SLC14A2: variants seen among roughly 807,000 people sequenced by gnomAD.
The protein encoded by SLC14A2 is solute carrier family 14 member 2.
A neutral mutation model predicts 104.6 loss-of-function variants in SLC14A2; 91 were observed. The ratio of observed to expected loss-of-function variants is 0.87; its 90% CI spans 0.73 to 1.04. SLC14A2 has a LOEUF of 1.04. Ranked by LOEUF, SLC14A2 falls within the 50% of genes least tolerant of loss-of-function variation. SLC14A2 has a pLI of 0.00. For missense variants in SLC14A2, 1,189 were observed against 1,156.0 expected (o/e 1.03, Z -0.41); for synonymous variants, 476 against 466.4 (o/e 1.02, Z -0.27).
chr18:45,396,593 G>C (rs2086033635), intron 1 of SLC14A2, among the ~76,000 whole-genome samples: 1 of 149,850 alleles, frequency 6.7e-6, no homozygotes, highest in Admixed American at 6.6e-5. Flanking sequence ...TGAAAGTAAT[G>C]AATACAGCTT....
chr18:45,614,816 T>TG, upstream of SLC14A2: 1 of 143,098 alleles, frequency 7.0e-6, no homozygotes, highest in African/African-American at 2.9e-5. Flanking sequence ...TTTTTTTTTT[T>TG]GAGACACAGT....
the SLC14A2 span, among the ~76,000 whole-genome samples, chr18:45,195,827 G>A: frequency 2.6e-5 from 4 of 152,184 alleles, no homozygotes; most frequent in Admixed American, 6.5e-5. Context: ...AGGATGAGAT[G>A]GGATAGGATA....
upstream of SLC14A2, among the ~76,000 whole-genome samples, chr18:45,211,926 A>G (rs2083964975): frequency 6.6e-6 from 1 of 152,238 alleles, no homozygotes; most frequent in South Asian, 2.1e-4. Context: ...TTGTTACCTT[A>G]ATGCTAATGT....
chr18:45,263,322 A>T (rs566811570), intron 1 of SLC14A2, among the ~76,000 whole-genome samples: 1 of 152,324 alleles, frequency 6.6e-6, no homozygotes, highest in African/African-American at 2.4e-5. Flanking sequence ...TGTTCTTCTC[A>T]GCGTATAAGA....
intron 2 of SLC14A2, among the ~76,000 whole-genome samples, chr18:45,544,624 T>G (rs928679724): frequency 2.4e-4 from 36 of 152,196 alleles, no homozygotes; most frequent in Admixed American, 2.2e-3. Flanking sequence ...TACCCAGGAA[T>G]AACCATCTTC....
At chr18:45,491,184 T>A (rs140773572) in intron 2 of SLC14A2, among the ~76,000 whole-genome samples, 154 of 152,326 alleles carry the variant, frequency 1.0e-3, no homozygotes, top group African/African-American at 3.6e-3. Flanking sequence ...ATTTACAATA[T>A]TGAAAATTGG....
the SLC14A2 span, among the ~76,000 whole-genome samples, chr18:45,195,747 G>A: frequency 6.6e-6 from 1 of 152,106 alleles, no homozygotes; most frequent in Non-Finnish European, 1.5e-5. Context: ...TCAGAGTCGT[G>A]AATTCAAAGT....
At chr18:45,411,836 A>G (rs1353617632) in intron 1 of SLC14A2, among the ~76,000 whole-genome samples, 1 of 152,070 alleles carries the variant, frequency 6.6e-6, no homozygotes, top group Non-Finnish European at 1.5e-5. Flanking sequence ...GGTCCGCAGC[A>G]CCTACTCTGT....
Position 45,663,785 on chromosome 18 carries a change from G to T in SLC14A2, c.1352G>T (p.Gly451Val). The T allele has an allele frequency of 6.2e-7, 1 of 1,612,194 alleles. No homozygotes were observed. The highest frequency in any genetic ancestry group is 8.5e-7 in the Non-Finnish European group (1 of 1,179,692). Reference protein sequence around the residue: ...KSGEEEKAPSGGGGEHPPTAG... With the variant: ...KSGEEEKAPSVGGGEHPPTAG... ...CCTGTCTTGTTTTGCCCCTGGCTAGGAGGCGGTGGGGAGCATCCACCCACA... is the reference window on the plus strand; with the variant it reads ...CCTGTCTTGTTTTGCCCCTGGCTAGTAGGCGGTGGGGAGCATCCACCCACA... The change falls in exon 11 of 20, where the codon GGA (glycine) becomes GTA (valine). Residue 451 changes from glycine (G) to valine (V), a missense_variant and splice_region_variant. Gly to Val is a moderately radical substitution (Grantham distance 109, BLOSUM62 -3). Transcript: ENST00000255226.
intron 1 of SLC14A2, among the ~76,000 whole-genome samples, chr18:45,419,561 G>T (rs1301108266): frequency 6.6e-6 from 1 of 152,190 alleles, no homozygotes; most frequent in Admixed American, 6.5e-5. Flanking sequence ...ATCACCTGAG[G>T]TCAGGAGATC....
chr18:45,475,668 T>TG (rs1452510574), intron 1 of SLC14A2, among the ~76,000 whole-genome samples: 1 of 111,696 alleles, frequency 9.0e-6, no homozygotes, highest in African/African-American at 3.1e-5. Context: ...TATATATATA[T>TG]ATATATATAT....
chr18:45,543,921 G>A (rs2043928220), intron 2 of SLC14A2, among the ~76,000 whole-genome samples: 1 of 152,196 alleles, frequency 6.6e-6, no homozygotes, highest in Non-Finnish European at 1.5e-5. Flanking sequence ...GAGGCAAAGG[G>A]TGGCTATGAG....
chr18:45,589,383 A>T (rs558496615), intron 2 of SLC14A2, among the ~76,000 whole-genome samples: 132 of 152,294 alleles, frequency 8.7e-4, no homozygotes, highest in African/African-American at 3.1e-3. Flanking sequence ...GCACACAAAC[A>T]CACACACAAG....
intron 2 of SLC14A2, among the ~76,000 whole-genome samples, chr18:45,563,641 A>C (rs1173631381): frequency 6.7e-6 from 1 of 149,820 alleles, no homozygotes; most frequent in Admixed American, 6.6e-5. Context: ...TATCATTTTT[A>C]TAGAGAGAAT....
At chr18:45,672,879 G>A in intron 16 of SLC14A2, 21 bp from the exon 17 acceptor site, 1 of 1,608,198 alleles carries the variant, frequency 6.2e-7, no homozygotes, top group Non-Finnish European at 8.5e-7. Flanking sequence ...TAATGAGCAT[G>A]TAATCCTGTT....
chr18:45,644,187 C>G (rs777135447), intron 10 of SLC14A2, 27 bp downstream of exon 10: 6 of 1,610,340 alleles, frequency 3.7e-6, no homozygotes, highest in South Asian at 2.2e-5. Flanking sequence ...GGGGAAGAAA[C>G]GCTCTTTGCC....
chr18:45,589,077 A>T (rs1048948375), intron 2 of SLC14A2, among the ~76,000 whole-genome samples: 1 of 152,174 alleles, frequency 6.6e-6, no homozygotes, highest in Non-Finnish European at 1.5e-5. Context: ...CACAGAAGGG[A>T]AACCCAAACT....
chr18:45,304,714 G>A (rs1198363483), intron 1 of SLC14A2, among the ~76,000 whole-genome samples: 1 of 152,184 alleles, frequency 6.6e-6, no homozygotes. Context: ...GTGCTGAGGA[G>A]AGAGCAGCCT....
chr18:45,439,927 C>T (rs2086656459), intron 1 of SLC14A2, among the ~76,000 whole-genome samples: 1 of 152,200 alleles, frequency 6.6e-6, no homozygotes, highest in Admixed American at 6.5e-5. Flanking sequence ...TAAGTAAGAC[C>T]ATTTCCTTAC....
Sources: allele counts gnomAD v4.1 joint callset (sites outside exome capture counted in the v4.1 genomes callset), GRCh38; gene constraint gnomAD v4.1.1; transcripts MANE v1.5; gene names NCBI Gene and HGNC (gene_info 2026-07-23, HGNC 2026-07-21).